The following RAP1GDS1 variants were observed in gnomAD, a reference collection of about 807,000 sequenced individuals.
RAP1GDS1 encodes Rap1 GTPase-GDP dissociation stimulator 1.
A neutral mutation model predicts 71.1 loss-of-function variants in RAP1GDS1; 35 were observed. That is an observed-to-expected ratio of 0.49 (90% CI 0.38 to 0.65). RAP1GDS1 has a LOEUF of 0.65. RAP1GDS1 is among the 30% of genes least tolerant of loss of function. The pLI is 0.00. For missense variants in RAP1GDS1, 663 were observed against 706.1 expected (o/e 0.94, Z 0.69); for synonymous variants, 229 against 243.1 (o/e 0.94, Z 0.54).
chr4:98,428,618 A>G (rs1052011326), intron 12 of RAP1GDS1, among the ~76,000 whole-genome samples: 1 of 152,218 alleles, frequency 6.6e-6, no homozygotes, highest in Non-Finnish European at 1.5e-5. Flanking sequence ...ATGATCAGGG[A>G]AATGCACATC....
At chr4:98,427,762 A>G (rs1043997623) in intron 12 of RAP1GDS1, among the ~76,000 whole-genome samples, 4 of 152,222 alleles carry the variant, frequency 2.6e-5, no homozygotes, top group African/African-American at 7.2e-5. Context: ...GGTAGAATCA[A>G]TATTGTGAAA....
Position 98,293,273 on chromosome 4 carries a change from A to G in RAP1GDS1, c.5-135A>G, listed in dbSNP as rs547729682. The G allele has an allele frequency of 5.8e-5, 34 of 583,596 alleles. 1 individual carries two copies. The highest frequency in any genetic ancestry group is 4.8e-4 in the African/African-American group (25 of 52,590). The allele number at this position is 583,596 out of a possible 1,614,324, so 36.2% of individuals were successfully genotyped here. On this transcript the variant is annotated intron_variant, in intron 1 of 14. Coordinates refer to ENST00000408927, the MANE Select transcript of RAP1GDS1 (RefSeq NM_001100427.2). ...TTTTTTAATAGTACAGTCTAATGCC[A>G]TTTTGGAATGTACGTGGAGGTTAAT... is the stretch of plus-strand genomic sequence containing the variant.
chr4:98,413,865 A>G (rs1747481999), intron 7 of RAP1GDS1, among the ~76,000 whole-genome samples: 2 of 151,090 alleles, frequency 1.3e-5, no homozygotes, highest in African/African-American at 4.8e-5. Flanking sequence ...ATTTCTCCAC[A>G]TCCTCTCCAG....
At chr4:98,280,111 T>A (rs966889924) in intron 1 of RAP1GDS1, among the ~76,000 whole-genome samples, 4 of 152,248 alleles carry the variant, frequency 2.6e-5, no homozygotes, top group Admixed American at 2.0e-4. Context: ...TATAGTCCTT[T>A]GGGTATATAC....
At chr4:98,273,778 G>GT (rs1723825400) in intron 1 of RAP1GDS1, among the ~76,000 whole-genome samples, 1 of 151,800 alleles carries the variant, frequency 6.6e-6, no homozygotes, top group African/African-American at 2.4e-5. Context: ...GCATTGTTTT[G>GT]TTTTGTTTTT....
intron 2 of RAP1GDS1, among the ~76,000 whole-genome samples, chr4:98,324,182 A>G (rs1403709463): frequency 7.0e-6 from 1 of 143,752 alleles, no homozygotes; most frequent in Non-Finnish European, 1.5e-5. Flanking sequence ...TGCTTCAAAG[A>G]GAATAAAATA....
intron 6 of RAP1GDS1, among the ~76,000 whole-genome samples, chr4:98,404,133 A>G (rs1385053016): frequency 6.6e-6 from 1 of 152,200 alleles, no homozygotes; most frequent in Non-Finnish European, 1.5e-5. Flanking sequence ...CTTTAATGAT[A>G]CTAAAGATAA....
chr4:98,267,860 C>T (rs1418807289), intron 1 of RAP1GDS1, among the ~76,000 whole-genome samples: 2 of 152,090 alleles, frequency 1.3e-5, no homozygotes, highest in Non-Finnish European at 2.9e-5. Context: ...TGGAAATATA[C>T]CCAGTAATGG....
intron 13 of RAP1GDS1, among the ~76,000 whole-genome samples, chr4:98,434,707 G>A (rs529150750): frequency 5.4e-4 from 80 of 149,346 alleles, no homozygotes; most frequent in African/African-American, 2.5e-4. Flanking sequence ...TGCAACGTCC[G>A]CGTCCTGGGT....
intron 5 of RAP1GDS1, among the ~76,000 whole-genome samples, chr4:98,385,169 A>T (rs910654371): frequency 6.6e-6 from 1 of 151,780 alleles, no homozygotes; most frequent in Non-Finnish European, 1.5e-5. Context: ...GTGCATTTTA[A>T]TATAATAATA....
chr4:98,340,425 G>A (rs1327905912), intron 2 of RAP1GDS1, among the ~76,000 whole-genome samples: 1 of 152,038 alleles, frequency 6.6e-6, no homozygotes, highest in African/African-American at 2.4e-5. Context: ...AAAAATCAAA[G>A]ACCACACATT....
rs566254042 is a variant in RAP1GDS1 at position 98,369,680 on chromosome 4, G to T, written c.362-9337G>T. 4.6e-5 allele frequency among the ~76,000 whole-genome samples: 7 copies of T among 152,278 alleles called. No homozygotes were observed. The East Asian group carries it at 1.3e-3, about 29-fold the overall frequency. ...CTGACAGAAAACAGTGGTTACCTGGGACCAGAGGTGGAGGGAAAGATGGCT... is the reference window on the plus strand; with the variant it reads ...CTGACAGAAAACAGTGGTTACCTGGTACCAGAGGTGGAGGGAAAGATGGCT... On this transcript the variant is annotated intron_variant, in intron 4 of 14. Coordinates refer to ENST00000408927, the MANE Select transcript of RAP1GDS1 (RefSeq NM_001100427.2).
At chr4:98,367,091 A>G (rs1473799757) in intron 4 of RAP1GDS1, among the ~76,000 whole-genome samples, 1 of 152,104 alleles carries the variant, frequency 6.6e-6, no homozygotes, top group Non-Finnish European at 1.5e-5. Context: ...GAGGCCTAGG[A>G]AGAAAAGATG....
At chr4:98,310,677 G>A (rs994792600) in intron 2 of RAP1GDS1, among the ~76,000 whole-genome samples, 5 of 152,090 alleles carry the variant, frequency 3.3e-5, no homozygotes, top group African/African-American at 1.2e-4. Flanking sequence ...CTTGGATCAT[G>A]TACCAGTCTT....
intron 5 of RAP1GDS1, among the ~76,000 whole-genome samples, chr4:98,391,459 T>A (rs1230032406): frequency 6.6e-6 from 1 of 152,132 alleles, no homozygotes; most frequent in Non-Finnish European, 1.5e-5. Context: ...ATCATTTTTG[T>A]GTATTTATTA....
At chr4:98,300,966 A>G (rs1263875274) in intron 2 of RAP1GDS1, among the ~76,000 whole-genome samples, 1 of 152,088 alleles carries the variant, frequency 6.6e-6, no homozygotes, top group East Asian at 1.9e-4. Flanking sequence ...TTCAGGTAGC[A>G]AAGTTACTTC....
chr4:98,369,006 T>G (rs1367348260), intron 4 of RAP1GDS1, among the ~76,000 whole-genome samples: 2 of 152,212 alleles, frequency 1.3e-5, no homozygotes, highest in African/African-American at 4.8e-5. Flanking sequence ...TTCACATGAC[T>G]GGGAAGGTCT....
chr4:98,428,723 T>C (rs1749973426), intron 12 of RAP1GDS1, among the ~76,000 whole-genome samples: 1 of 152,176 alleles, frequency 6.6e-6, no homozygotes, highest in Non-Finnish European at 1.5e-5. Flanking sequence ...GAATAGGGAA[T>C]ACTTCTACAC....
intron 1 of RAP1GDS1, among the ~76,000 whole-genome samples, chr4:98,283,144 C>T (rs1019253997): frequency 6.6e-6 from 1 of 152,154 alleles, no homozygotes; most frequent in Non-Finnish European, 1.5e-5. Flanking sequence ...CTTCAAGTAA[C>T]TTCATGAAAG....
Sources: allele counts gnomAD v4.1 joint callset (sites outside exome capture counted in the v4.1 genomes callset), GRCh38; gene constraint gnomAD v4.1.1; transcripts MANE v1.5; gene names NCBI Gene and HGNC (gene_info 2026-07-23, HGNC 2026-07-21).